VANGL1: variants seen among roughly 807,000 people sequenced by gnomAD.
VANGL1 encodes the protein VANGL planar cell polarity protein 1, also known as vang-like protein 1.
VANGL1 carries 18 observed loss-of-function variants against 48.4 expected under a neutral mutation model. The observed-to-expected ratio is 0.37, with a 90% CI of 0.26 to 0.55. VANGL1 has a LOEUF of 0.55. Ranked by LOEUF, VANGL1 falls within the 20% of genes least tolerant of loss-of-function variation. The pLI is 0.81. For missense variants in VANGL1, 667 were observed against 675.8 expected (o/e 0.99, Z 0.14); for synonymous variants, 257 against 261.8 (o/e 0.98, Z 0.18).
chr1:115,662,490 A>C (rs924323334), intron 3 of VANGL1, among the ~76,000 whole-genome samples: 39 of 152,224 alleles, frequency 2.6e-4, no homozygotes, highest in African/African-American at 8.9e-4. Context: ...AAAATCCTTT[A>C]AAATTCTATC....
chr1:115,663,374 A>G (rs916514793), intron 3 of VANGL1, among the ~76,000 whole-genome samples: 1 of 152,210 alleles, frequency 6.6e-6, no homozygotes, highest in Non-Finnish European at 1.5e-5. Context: ...AGGCTTTTCA[A>G]CCCAGGGGAT....
intron 1 of VANGL1, among the ~76,000 whole-genome samples, chr1:115,649,320 G>A (rs1344706827): frequency 6.6e-6 from 1 of 152,126 alleles, no homozygotes; most frequent in Non-Finnish European, 1.5e-5. Flanking sequence ...ATAATAGGCT[G>A]CCTTGCTTCC....
At chr1:115,667,420 C>T (rs893114351) in intron 4 of VANGL1, among the ~76,000 whole-genome samples, 8 of 152,220 alleles carry the variant, frequency 5.3e-5, no homozygotes, top group Non-Finnish European at 8.8e-5. Flanking sequence ...GATTGAGATA[C>T]TTCCTAACCT....
intron 4 of VANGL1, among the ~76,000 whole-genome samples, chr1:115,675,081 A>G (rs959687275): frequency 3.3e-5 from 5 of 152,144 alleles, no homozygotes; most frequent in Non-Finnish European, 5.9e-5. Context: ...TTCACCAGCA[A>G]GGGGGACTTG....
intron 1 of VANGL1, among the ~76,000 whole-genome samples, chr1:115,650,017 C>T (rs1014253777): frequency 5.9e-5 from 9 of 152,134 alleles, no homozygotes; most frequent in African/African-American, 1.7e-4. Context: ...TGGAAGTGAT[C>T]GTACCTGACT....
rs1653847240 is a variant in VANGL1, at chr1:115,691,766, T to C, written c.*387T>C. ...CACTTGTAGACTTCCAGGGGACACA[T>C]CTTTATTCTGTTTCAGGAAACCAGT... On this transcript the variant is annotated 3_prime_UTR_variant, in exon 8 of 8. Coordinates refer to ENST00000355485, the MANE Select transcript of VANGL1 (RefSeq NM_138959.3). 1 of 198,178 alleles carries C rather than the reference T, an allele frequency of 5.0e-6. No individual in the cohort carries two copies. The highest frequency in any genetic ancestry group is 1.0e-4 in the South Asian group (1 of 10,020). The allele number at this position is 198,178 out of a possible 1,614,324, so 12.3% of individuals were successfully genotyped here.
At chr1:115,668,340 C>T (rs1652866131) in intron 4 of VANGL1, among the ~76,000 whole-genome samples, 1 of 152,152 alleles carries the variant, frequency 6.6e-6, no homozygotes, top group Non-Finnish European at 1.5e-5. Context: ...TCACTTAACA[C>T]AGAGCTTAGG....
rs532776784 is a variant in VANGL1, at chr1:115,684,051, C to T, written c.1054C>T (p.Arg352Trp). 3.5e-5 allele frequency: 56 copies of T among 1,613,944 alleles called. No homozygotes were observed. The highest frequency in any genetic ancestry group is 4.6e-5 in the Non-Finnish European group (54 of 1,179,896). ...ELYYEEAEHE[R>W]RVKKRKARLV... ...GTATTATGAAGAGGCCGAACATGAA[C>T]GGCGAGTAAAGAAGCGGAAAGCAAG... The change falls in exon 6 of 8, where the codon CGG becomes TGG. Residue 352 changes from arginine (R) to tryptophan (W), a missense_variant. By Grantham distance (101) the Arg-to-Trp change is moderately radical (BLOSUM62 -3). Transcript: ENST00000355485.
In VANGL1 at chr1:115,691,510, T is replaced by C; in HGVS notation, c.*131T>C. ...CTGAAACTGGCAGATGATTGACCAGTATCCTTTGACCATCTGCACTTTATT... is the reference window on the plus strand; with the variant it reads ...CTGAAACTGGCAGATGATTGACCAGCATCCTTTGACCATCTGCACTTTATT... On this transcript the variant is annotated 3_prime_UTR_variant, in exon 8 of 8. Transcript: ENST00000355485. 2.4e-5 allele frequency: 26 copies of C among 1,066,360 alleles called. No individual in the cohort carries two copies. The highest frequency in any genetic ancestry group is 6.6e-6 in the Non-Finnish European group (5 of 761,786). 66.1% of individuals were successfully genotyped at this position (1,066,360 alleles called of 1,614,324 possible).
chr1:115,650,866 A>T (rs570558883), intron 1 of VANGL1, among the ~76,000 whole-genome samples: 1 of 150,096 alleles, frequency 6.7e-6, no homozygotes, highest in Non-Finnish European at 1.5e-5. Context: ...TGACTTTTGG[A>T]AATTATGACC....
At chr1:115,668,500 T>A (rs992158130) in intron 4 of VANGL1, among the ~76,000 whole-genome samples, 1 of 152,220 alleles carries the variant, frequency 6.6e-6, no homozygotes, top group African/African-American at 2.4e-5. Flanking sequence ...CAGACCTTTT[T>A]AACTTCCTAT....
intron 4 of VANGL1, among the ~76,000 whole-genome samples, chr1:115,670,295 C>A (rs945378961): frequency 6.6e-6 from 1 of 152,212 alleles, no homozygotes; most frequent in Non-Finnish European, 1.5e-5. Context: ...CATTTTGATA[C>A]AGCAGCCTGA....
At chr1:115,660,439 C>A (rs1652503545) in intron 3 of VANGL1, among the ~76,000 whole-genome samples, 1 of 152,204 alleles carries the variant, frequency 6.6e-6, no homozygotes, top group Non-Finnish European at 1.5e-5. Flanking sequence ...TTGAGAAAAG[C>A]TGCAAATCAG....
chr1:115,661,214 A>G (rs1652534484), intron 3 of VANGL1, among the ~76,000 whole-genome samples: 1 of 152,128 alleles, frequency 6.6e-6, no homozygotes, highest in Admixed American at 6.5e-5. Flanking sequence ...GGTTTTGATG[A>G]AAGCATCTTA....
In VANGL1 at chr1:115,684,046, A is replaced by G. The variant is rs550084260; in HGVS notation, c.1049A>G (p.His350Arg). 7 of 1,614,048 alleles carry G rather than the reference A, an allele frequency of 4.3e-6. No homozygotes were observed. In the South Asian group the frequency reaches 5.5e-5, roughly 13 times the overall value. Residue 350 changes from histidine to arginine, a missense_variant, in exon 6 of 8, where the codon CAT becomes CGT. By Grantham distance (29) the His-to-Arg change is conservative. Coordinates refer to ENST00000355485, the MANE Select transcript of VANGL1 (RefSeq NM_138959.3). Reference protein sequence around the residue: ...HNELYYEEAEHERRVKKRKAR... With the variant: ...HNELYYEEAERERRVKKRKAR... ...GAGTTGTATTATGAAGAGGCCGAAC[A>G]TGAACGGCGAGTAAAGAAGCGGAAA...
At chr1:115,677,888 C>T (rs1653226862) in intron 4 of VANGL1, among the ~76,000 whole-genome samples, 1 of 152,194 alleles carries the variant, frequency 6.6e-6, no homozygotes, top group Non-Finnish European at 1.5e-5. Context: ...TTGCCTCCCA[C>T]ATTTCCCCAA....
Position 115,684,020 on chromosome 1 carries a change from C to G in VANGL1, c.1023C>G (p.Asn341Lys). Residue 341 changes from asparagine (N) to lysine (K), a missense_variant, in exon 6 of 8, where the codon AAC (asparagine) becomes AAG (lysine). Physicochemically the swap from Asn to Lys is moderately conservative, Grantham distance 94. Coordinates refer to ENST00000355485, the MANE Select transcript of VANGL1 (RefSeq NM_138959.3). ...AAARRRDSSH[N>K]ELYYEEAEHE... The stretch of plus-strand genomic sequence containing the variant: ...CTCGGCGCAGGGACTCAAGCCACAA[C>G]GAGTTGTATTATGAAGAGGCCGAAC... The G allele has an allele frequency of 6.2e-7, 1 of 1,614,096 alleles. No homozygotes were observed. Among genetic ancestry groups the G allele is most frequent in the Non-Finnish European group, 8.5e-7 (1 of 1,180,004 alleles).
chr1:115,694,610 A>G lies in VANGL1; in HGVS notation c.*3231A>G, dbSNP rs758967775. On this transcript the variant is annotated 3_prime_UTR_variant, in exon 8 of 8. Transcript: ENST00000355485. Reference sequence around the variant, plus strand: ...CATATTGGACTGACAGAAATTGATTACCTTGCCACTCCAACCTACGTACTG... The same window carrying G: ...CATATTGGACTGACAGAAATTGATTGCCTTGCCACTCCAACCTACGTACTG... 2 of 152,126 alleles carry G rather than the reference A, an allele frequency of 1.3e-5. No homozygotes were observed. The highest frequency in any genetic ancestry group is 2.9e-5 in the Non-Finnish European group (2 of 68,020). The allele number at this position is 152,126 out of a possible 1,614,324, so 9.4% of individuals were successfully genotyped here.
chr1:115,654,297 C>A (rs566183153), intron 2 of VANGL1, among the ~76,000 whole-genome samples: 1 of 151,750 alleles, frequency 6.6e-6, no homozygotes, highest in South Asian at 2.1e-4. Flanking sequence ...TCTTAGAAGA[C>A]TGGCCAGGTT....
Sources: allele counts gnomAD v4.1 joint callset (sites outside exome capture counted in the v4.1 genomes callset), GRCh38; gene constraint gnomAD v4.1.1; transcripts MANE v1.5; gene names NCBI Gene and HGNC (gene_info 2026-07-23, HGNC 2026-07-21).